The following SCNN1B variants were observed in gnomAD, a reference collection of about 807,000 sequenced individuals.
SCNN1B encodes the protein epithelial sodium channel subunit beta.
A neutral mutation model predicts 65.3 loss-of-function variants in SCNN1B; 46 were observed. That is an observed-to-expected ratio of 0.70 (90% CI 0.56 to 0.90). The LOEUF (loss-of-function observed/expected upper bound fraction) is 0.90, where lower values mean the gene tolerates loss of function less well. Ranked by LOEUF, SCNN1B falls within the 40% of genes least tolerant of loss-of-function variation. The probability of loss-of-function intolerance (pLI) is 0.00; values close to 1 mark genes in which losing one functional copy is unlikely to be tolerated. For synonymous variants in SCNN1B, 349 were observed against 330.6 expected (o/e 1.06, Z -0.60); for missense variants, 751 against 830.5 (o/e 0.90, Z 1.18).
At chr16:23,335,918 A>G (rs548107342) in intron 1 of SCNN1B, among the ~76,000 whole-genome samples, 1 of 152,220 alleles carries the variant, frequency 6.6e-6, no homozygotes, top group East Asian at 1.9e-4. Context: ...CGTCTCCATT[A>G]GTCATGCTGT....
intron 2 of SCNN1B, among the ~76,000 whole-genome samples, chr16:23,286,970 A>ATGT (rs1310062221): frequency 2.0e-5 from 3 of 149,256 alleles, no homozygotes; most frequent in Non-Finnish European, 3.0e-5. Flanking sequence ...GTTGTTGTTG[A>ATGT]TGTTGTTGTT....
intron 1 of SCNN1B, among the ~76,000 whole-genome samples, chr16:23,339,690 C>A (rs1962015161): frequency 6.6e-6 from 1 of 152,030 alleles, no homozygotes; most frequent in Non-Finnish European, 1.5e-5. Flanking sequence ...CTCAGCCTCC[C>A]AAGTAGCTGG....
intron 1 of SCNN1B, among the ~76,000 whole-genome samples, chr16:23,318,050 G>A (rs1227673756): frequency 6.6e-6 from 1 of 152,220 alleles, no homozygotes; most frequent in Non-Finnish European, 1.5e-5. Flanking sequence ...TGCCAATCAA[G>A]AGGCAAACGG....
upstream of SCNN1B, among the ~76,000 whole-genome samples, chr16:23,298,056 A>G (rs1029967815): frequency 6.6e-5 from 10 of 152,184 alleles, no homozygotes; most frequent in Admixed American, 6.5e-5. Flanking sequence ...ATCTCCTAGA[A>G]TTGCACTAAC....
At chr16:23,347,439 T>C (rs986379864) in intron 1 of SCNN1B, among the ~76,000 whole-genome samples, 1 of 152,226 alleles carries the variant, frequency 6.6e-6, no homozygotes, top group African/African-American at 2.4e-5. Context: ...AAACTGCAAC[T>C]CTAGGCTAAA....
intron 4 of SCNN1B, among the ~76,000 whole-genome samples, chr16:23,361,840 T>C (rs1223004238): frequency 6.6e-6 from 1 of 152,112 alleles, no homozygotes; most frequent in East Asian, 1.9e-4. Context: ...CTCACTCTGT[T>C]GTCCATACTG....
At chr16:23,323,417 G>T in intron 1 of SCNN1B, 1 of 621,958 alleles carries the variant, frequency 1.6e-6, no homozygotes, top group Non-Finnish European at 2.9e-6. Flanking sequence ...GTGGTTGCAT[G>T]GGTATATGCA....
At chr16:23,321,350 G>A (rs1249765936) in intron 1 of SCNN1B, among the ~76,000 whole-genome samples, 1 of 151,970 alleles carries the variant, frequency 6.6e-6, no homozygotes, top group Non-Finnish European at 1.5e-5. Flanking sequence ...CCTCCTTCCT[G>A]GACTCTCAAC....
chr16:23,337,188 A>G (rs1410993010), intron 1 of SCNN1B, among the ~76,000 whole-genome samples: 1 of 151,996 alleles, frequency 6.6e-6, no homozygotes, highest in African/African-American at 2.4e-5. Flanking sequence ...GGTAGCTGAG[A>G]CCACAGGCAC....
intron 1 of SCNN1B, among the ~76,000 whole-genome samples, chr16:23,317,402 C>A (rs188817541): frequency 6.6e-6 from 1 of 152,184 alleles, no homozygotes; most frequent in Non-Finnish European, 1.5e-5. Context: ...TGTTGCCCAG[C>A]GTGAGAACGG....
chr16:23,297,507 T>G (rs1425178100), upstream of SCNN1B, among the ~76,000 whole-genome samples: 1 of 152,134 alleles, frequency 6.6e-6, no homozygotes, highest in Non-Finnish European at 1.5e-5. Context: ...TGTTTTTGGT[T>G]GGGTCAAACA....
At chr16:23,297,603 C>G (rs145727386), upstream of SCNN1B, among the ~76,000 whole-genome samples, 1 of 152,178 alleles carries the variant, frequency 6.6e-6, no homozygotes, top group Non-Finnish European at 1.5e-5. Context: ...AGCTCCCCAT[C>G]TGAACAACTC....
chr16:23,343,622 A>AGAAAGAAAGAAG (rs1962118698), intron 1 of SCNN1B, among the ~76,000 whole-genome samples: 3 of 133,844 alleles, frequency 2.2e-5, no homozygotes, highest in African/African-American at 8.9e-5. Context: ...AAAGAAAGAA[A>AGAAAGAAAGAAG]GAAAGAAAGA....
At position 23,377,396 on chromosome 16, in the gene SCNN1B, T is replaced by C; in HGVS notation, c.1404+10T>C. 4 of 1,614,046 alleles carry C rather than the reference T, an allele frequency of 2.5e-6. No homozygotes were observed. Among genetic ancestry groups the C allele is most frequent in the Middle Eastern group, 1.7e-4 (1 of 6,060 alleles). On this transcript the variant is annotated intron_variant, in intron 10 of 12. Coordinates refer to ENST00000343070, the MANE Select transcript of SCNN1B (RefSeq NM_000336.3). ...TTCTGAGGCCTCCGAGGTGAGACAG[T>C]TGGGGGCCAAGCTCCTGGCTCCCAC...
At chr16:23,294,986 G>C (rs995367443) in intron 2 of SCNN1B, among the ~76,000 whole-genome samples, 1 of 148,168 alleles carries the variant, frequency 6.7e-6, no homozygotes, top group South Asian at 2.1e-4. Context: ...GAGCAAGACT[G>C]TCTCAAAATA....
At chr16:23,288,426 C>T (rs996266003) in intron 2 of SCNN1B, among the ~76,000 whole-genome samples, 6 of 152,146 alleles carry the variant, frequency 3.9e-5, no homozygotes, top group African/African-American at 1.4e-4. Flanking sequence ...TCATTTATTA[C>T]GTGACAGTTT....
chr16:23,305,524 AATATATATATTATATATATATATAT>A lies in SCNN1B; in HGVS notation c.-9+3098_-9+3122del, dbSNP rs1208781670. On this transcript the variant is annotated intron_variant, in intron 1 of 12. Transcript: ENST00000343070. Reference sequence around the variant, plus strand: ...ACATGGCAAAAACCCATCTCTACCAAATATATATATTATATATATATATATATATATATATATATATATATATATA... The same window carrying A: ...ACATGGCAAAAACCCATCTCTACCAAATATATATATATATATATATATATA... Among the ~76,000 whole-genome samples the A allele has an allele frequency of 4.7e-3, 23 of 4,892 alleles. 2 individuals are homozygous for A. Among genetic ancestry groups the A allele is most frequent in the Admixed American group, 0.031 (8 of 262 alleles). The allele number at this position is 4,892 out of a possible 152,430, so 3.2% of individuals were successfully genotyped here.
intron 1 of SCNN1B, among the ~76,000 whole-genome samples, chr16:23,279,133 G>A (rs372947458): frequency 4.6e-5 from 7 of 152,018 alleles, no homozygotes; most frequent in East Asian, 3.9e-4. Context: ...CTGGAGTGCA[G>A]TGGAGCAATC....
upstream of SCNN1B, among the ~76,000 whole-genome samples, chr16:23,301,366 AAAAG>A (rs1555482896): frequency 2.0e-5 from 3 of 146,764 alleles, no homozygotes; most frequent in Non-Finnish European, 4.4e-5. Context: ...TGTCAAAAAA[AAAAG>A]AAAGAAAGAA....
Sources: gnomAD v4.1 joint callset for allele counts (sites outside exome capture counted in the v4.1 genomes callset) on GRCh38, gnomAD v4.1.1 for gene constraint, MANE v1.5 for transcripts, NCBI Gene and HGNC (gene_info 2026-07-23, HGNC 2026-07-21) for gene names.